STPG2: variants seen among roughly 807,000 people sequenced by gnomAD.
The protein encoded by STPG2 is sperm-tail PG-rich repeat-containing protein 2.
Under a neutral mutation model 54.2 loss-of-function variants are expected in STPG2, and 56 were observed. The ratio of observed to expected loss-of-function variants is 1.03; its 90% confidence interval spans 0.83 to 1.29. The LOEUF (loss-of-function observed/expected upper bound fraction) is 1.29, where lower values mean the gene tolerates loss of function less well. STPG2 is among the 50% of genes most tolerant of loss of function. The probability of loss-of-function intolerance (pLI) is 0.00; values close to 1 mark genes in which losing one functional copy is unlikely to be tolerated. For missense variants in STPG2, 596 were observed against 544.9 expected (o/e 1.09, Z -0.93); for synonymous variants, 200 against 181.8 (o/e 1.10, Z -0.81).
chr4:98,063,130 A>T (rs1737714611), intron 5 of STPG2, among the ~76,000 whole-genome samples: 1 of 152,122 alleles, frequency 6.6e-6, no homozygotes, highest in Non-Finnish European at 1.5e-5. Context: ...AAAATGAAAA[A>T]GTCTTATATA....
intron 3 of STPG2, among the ~76,000 whole-genome samples, chr4:98,111,942 CCTCAGGTT>C (rs891118718): frequency 5.3e-5 from 8 of 152,030 alleles, no homozygotes; most frequent in African/African-American, 1.7e-4. Context: ...CCCAGCAGCC[CCTCAGGTT>C]CTCAGGCTTT....
At chr4:97,811,107 C>G (rs776658600) in intron 9 of STPG2, among the ~76,000 whole-genome samples, 3 of 151,700 alleles carry the variant, frequency 2.0e-5, no homozygotes, top group Admixed American at 6.6e-5. Context: ...CCAAAGAATA[C>G]GAATTACTGT....
chr4:97,675,673 TTG>T lies in STPG2; in HGVS notation c.1320+37024_1320+37025del, dbSNP rs138150741. On this transcript the variant is annotated intron_variant, in intron 10 of 10. Transcript: ENST00000295268. The stretch of plus-strand genomic sequence containing the variant: ...GTTTTGTTTCCATGTGTGGGTGCAT[TTG>T]TGTGTGTGTGTGTGTGTGCGCGCGC... Among the ~76,000 whole-genome samples the T allele has an allele frequency of 4.8e-4, 72 of 148,620 alleles. 1 individual carries two copies. Among genetic ancestry groups the T allele is most frequent in the Middle Eastern group, 3.5e-3 (1 of 288 alleles).
At chr4:97,729,553 T>G (rs1338030744) in intron 9 of STPG2, among the ~76,000 whole-genome samples, 3 of 152,196 alleles carry the variant, frequency 2.0e-5, no homozygotes, top group Admixed American at 2.0e-4. Flanking sequence ...ATGCTGTCTC[T>G]GCAGACTCTG....
At chr4:97,490,893 A>T (rs1730489828) in intron 4 of STPG2, among the ~76,000 whole-genome samples, 1 of 151,604 alleles carries the variant, frequency 6.6e-6, no homozygotes, top group Non-Finnish European at 1.5e-5. Flanking sequence ...ACCTATTAAA[A>T]GGCAAGTAAA....
intron 3 of STPG2, among the ~76,000 whole-genome samples, chr4:98,111,521 T>C (rs1396153036): frequency 1.3e-5 from 2 of 152,126 alleles, no homozygotes; most frequent in African/African-American, 4.8e-5. Flanking sequence ...TGGCGCACAC[T>C]AAAATTCCTT....
intron 8 of STPG2, among the ~76,000 whole-genome samples, chr4:97,860,701 T>A (rs1180983846): frequency 6.6e-6 from 1 of 152,078 alleles, no homozygotes; most frequent in Non-Finnish European, 1.5e-5. Context: ...GTTTTCTAGA[T>A]ACATGACCGT....
intron 9 of STPG2, among the ~76,000 whole-genome samples, chr4:97,763,082 A>G (rs1725937901): frequency 6.6e-6 from 1 of 151,002 alleles, no homozygotes; most frequent in African/African-American, 2.5e-5. Flanking sequence ...AAGTGCTGAT[A>G]CTCTACTATA....
chr4:98,021,010 T>C (rs1206658685), intron 5 of STPG2, among the ~76,000 whole-genome samples: 1 of 150,434 alleles, frequency 6.6e-6, no homozygotes, highest in Non-Finnish European at 1.5e-5. Flanking sequence ...TTTTGTGTCT[T>C]TGTTTAATTC....
chr4:97,744,606 A>G (rs962163148), intron 9 of STPG2, among the ~76,000 whole-genome samples: 1 of 151,312 alleles, frequency 6.6e-6, no homozygotes, highest in African/African-American at 2.4e-5. Context: ...GAAACTGTGG[A>G]TGCTACAGAA....
intron 8 of STPG2, among the ~76,000 whole-genome samples, chr4:97,907,785 T>C (rs1731501091): frequency 6.6e-6 from 1 of 152,154 alleles, no homozygotes; most frequent in Non-Finnish European, 1.5e-5. Flanking sequence ...CCCTATTTAA[T>C]AAATAGTGGT....
rs1404122125 is a variant in STPG2 at position 97,908,230 on chromosome 4, A to G, written c.1044+35667T>C. Among the ~76,000 whole-genome samples the G allele has an allele frequency of 4.6e-5, 7 of 152,222 alleles. No individual in the cohort carries two copies. In the East Asian group the frequency reaches 1.3e-3, roughly 29 times the overall value. ...GACATGAACACACACTTCTCAAAAG[A>G]AGACATTTATGCAGCCAAAAAACAC... is the stretch of plus-strand genomic sequence containing the variant. On this transcript the variant is annotated intron_variant, in intron 8 of 10. Coordinates refer to ENST00000295268, the MANE Select transcript of STPG2 (RefSeq NM_174952.3).
chr4:97,932,864 T>C (rs1471464274), intron 8 of STPG2, among the ~76,000 whole-genome samples: 1 of 152,244 alleles, frequency 6.6e-6, no homozygotes, highest in Non-Finnish European at 1.5e-5. Flanking sequence ...TTATTTGTAT[T>C]CCTTTGGATA....
chr4:97,859,169 C>T (rs1031390210), intron 8 of STPG2, among the ~76,000 whole-genome samples: 2 of 151,878 alleles, frequency 1.3e-5, no homozygotes, highest in Non-Finnish European at 2.9e-5. Flanking sequence ...TTTTTTCATA[C>T]GTTTGTTGGC....
intron 8 of STPG2, among the ~76,000 whole-genome samples, chr4:97,878,430 A>T (rs538177486): frequency 6.6e-6 from 1 of 152,250 alleles, no homozygotes; most frequent in South Asian, 2.1e-4. Flanking sequence ...ATTTCTATAC[A>T]TCCTCTTAAA....
At chr4:97,618,350 C>A (rs1486038710) in intron 10 of STPG2, among the ~76,000 whole-genome samples, 1 of 152,066 alleles carries the variant, frequency 6.6e-6, no homozygotes, top group African/African-American at 2.4e-5. Flanking sequence ...ATATCAGCTG[C>A]AGCTCACATC....
At chr4:97,515,732 C>T (rs1295705755) in intron 4 of STPG2, among the ~76,000 whole-genome samples, 1 of 151,596 alleles carries the variant, frequency 6.6e-6, no homozygotes, top group African/African-American at 2.4e-5. Context: ...TTATGAATTC[C>T]ATCAGCTAGA....
At chr4:97,778,933 G>A (rs185415310) in intron 9 of STPG2, among the ~76,000 whole-genome samples, 3 of 152,140 alleles carry the variant, frequency 2.0e-5, no homozygotes, top group South Asian at 2.1e-4. Context: ...CCATCTGAAC[G>A]TCACCATCAT....
rs531222523 is a variant in STPG2, at chr4:97,479,096, A to C, written c.462+233603T>G. 1.8e-3 allele frequency among the ~76,000 whole-genome samples: 273 copies of C among 152,032 alleles called. 2 individuals are homozygous for C. Among genetic ancestry groups the C allele is most frequent in the Admixed American group, 5.6e-3 (85 of 15,274 alleles). ...AAAACAAAAAATTTGAAACTATTAG[A>C]AGGATATACATAGCAGAATATGTGT... On this transcript the variant is annotated intron_variant, in intron 4 of 4. Coordinates refer to the STPG2 transcript ENST00000522676.
Sources: allele counts gnomAD v4.1 joint callset (sites outside exome capture counted in the v4.1 genomes callset), GRCh38; gene constraint gnomAD v4.1.1; transcripts MANE v1.5; gene names NCBI Gene and HGNC (gene_info 2026-07-23, HGNC 2026-07-21).